Variants in MARS1 observed in about 807,000 individuals in gnomAD.
MARS1 encodes methionine--tRNA ligase, cytoplasmic.
MARS1 carries 80 observed loss-of-function variants against 119.5 expected under a neutral mutation model. The observed-to-expected ratio is 0.67, with a 90% CI of 0.56 to 0.81. MARS1 has a LOEUF of 0.81. Among genes scored for constraint, MARS1 ranks in the 30% least tolerant of loss-of-function variants. The pLI, the probability that MARS1 is intolerant of heterozygous loss-of-function variation, is 0.00. For missense variants in MARS1, 945 were observed against 1,116.5 expected, an observed-to-expected ratio of 0.85 and a Z score of 2.19; for synonymous variants, 418 against 433.4, an observed-to-expected ratio of 0.96 and a Z score of 0.44.
At chr12:57,500,207 C>A (rs1876854103) in intron 9 of MARS1, 114 bp from the exon 10 acceptor site, 3 of 819,976 alleles carry the variant, frequency 3.7e-6, no homozygotes, top group African/African-American at 1.7e-5. Flanking sequence ...CCTTGAGGAG[C>A]CTTCTGCCTG....
chr12:57,504,695 ATTTTTTT>A (rs34351056), intron 11 of MARS1, among the ~76,000 whole-genome samples: 14 of 83,600 alleles, frequency 1.7e-4, no homozygotes, highest in African/African-American at 5.2e-4. Context: ...TGCCTGACTG[ATTTTTTT>A]TTTTTTTTTT....
chr12:57,489,200 T>C, intron 2 of MARS1, 67 bp from the exon 3 acceptor site: 1 of 1,599,786 alleles, frequency 6.3e-7, no homozygotes, highest in Non-Finnish European at 8.6e-7. Flanking sequence ...ATTGTTTCCC[T>C]GTGTGATGAG....
chr12:57,507,102 C>G (rs545505795), intron 11 of MARS1, among the ~76,000 whole-genome samples: 2 of 151,436 alleles, frequency 1.3e-5, no homozygotes, highest in African/African-American at 4.8e-5. Flanking sequence ...GCACATCTTG[C>G]ACCGCCCTTA....
At chr12:57,489,378 C>T (rs1412902142) in intron 3 of MARS1, 33 bp downstream of exon 3, 1 of 1,613,978 alleles carries the variant, frequency 6.2e-7, no homozygotes, top group Non-Finnish European at 8.5e-7. Flanking sequence ...GTCAGGCAGG[C>T]CCTTGTTCTG....
In MARS1 at chr12:57,489,219, T is replaced by G. The variant is rs370571451; in HGVS notation, c.201-48T>G. The G allele has an allele frequency of 6.9e-6, 11 of 1,605,670 alleles. No individual in the cohort carries two copies. The African/African-American group carries it at 1.3e-4, about 20-fold the overall frequency. On this transcript the variant is annotated intron_variant, in intron 2 of 20. Coordinates refer to ENST00000262027, the MANE Select transcript of MARS1 (RefSeq NM_004990.4). ...TTTCCCTGTGTGATGAGAAATGGGC[T>G]AAATGGGCCCCTCTAAGTCCATCAT...
intron 7 of MARS1, among the ~76,000 whole-genome samples, chr12:57,492,225 G>A (rs559487874): frequency 4.7e-5 from 7 of 149,268 alleles, no homozygotes; most frequent in Non-Finnish European, 1.0e-4. Flanking sequence ...GTTGCAGTGC[G>A]CCAAGATCAT....
chr12:57,494,713 A>G (rs1876497782), intron 7 of MARS1, among the ~76,000 whole-genome samples: 1 of 151,554 alleles, frequency 6.6e-6, no homozygotes, highest in African/African-American at 2.4e-5. Context: ...ATGACTCTTA[A>G]CGAGCATGCT....
rs1193799033 is a variant in MARS1 at position 57,511,824 on chromosome 12, C to T, written c.1495C>T (p.Leu499Phe). Residue 499 changes from leucine to phenylalanine, a missense_variant, in exon 12 of 21, where the codon CTC (leucine) becomes TTC (phenylalanine). Transcript: ENST00000262027. ...CAAGCCACGCTGCATAACCCGAGAC[C>T]TCAAATGGGGAACCCCTGTACCCTT... ...GLKPRCITRD[L>F]KWGTPVPLEG... 1.2e-6 allele frequency: 2 copies of T among 1,614,166 alleles called. No individual in the cohort carries two copies. Among genetic ancestry groups the T allele is most frequent in the Non-Finnish European group, 1.7e-6 (2 of 1,180,016 alleles).
intron 11 of MARS1, among the ~76,000 whole-genome samples, chr12:57,507,462 C>T (rs1396942374): frequency 2.9e-5 from 2 of 68,940 alleles, no homozygotes; most frequent in Non-Finnish European, 3.4e-5. Context: ...CCGGACGGGG[C>T]GGCTGGCCGG....
Position 57,511,770 on chromosome 12 carries a change from A to G in MARS1, c.1441A>G (p.Ile481Val), listed in dbSNP as rs1428763649. Residue 481 changes from isoleucine to valine, a missense_variant, in exon 12 of 21, where the codon ATC becomes GTC. By Grantham distance (29) the Ile-to-Val change is conservative (BLOSUM62 3). Coordinates refer to ENST00000262027, the MANE Select transcript of MARS1 (RefSeq NM_004990.4). ...GSDWTPNAQF[I>V]TRSWLRDGLK... ...TGACTGGACACCCAATGCCCAGTTTATCACCCGTTCTTGGCTTCGGGATGG... is the reference window on the plus strand; with the variant it reads ...TGACTGGACACCCAATGCCCAGTTTGTCACCCGTTCTTGGCTTCGGGATGG... The G allele has an allele frequency of 1.2e-6, 2 of 1,614,200 alleles. No homozygotes were observed. The highest frequency in any genetic ancestry group is 1.1e-5 in the South Asian group (1 of 91,076).
chr12:57,508,675 G>GGGGAGA (rs1212037091), intron 11 of MARS1, among the ~76,000 whole-genome samples: 121 of 56,108 alleles, frequency 2.2e-3, no homozygotes, highest in African/African-American at 4.4e-3. Flanking sequence ...GGGAGACCGT[G>GGGGAGA]GGGAGAGGTA....
rs773690189 is a variant in MARS1 at position 57,504,300 on chromosome 12, G to A, written c.1368+1G>A. 6.2e-7 allele frequency: 1 copy of A among 1,613,966 alleles called. No homozygotes were observed. Among genetic ancestry groups the A allele is most frequent in the South Asian group, 1.1e-5 (1 of 91,086 alleles). ...GCACCTGTTTCTGGACCTGCCTAAG[G>A]TAAGTGAGCTTTTCTCTCAACCTAG... is the stretch of plus-strand genomic sequence containing the variant. On this transcript the variant is annotated splice_donor_variant, in intron 11 of 20. Coordinates refer to ENST00000262027, the MANE Select transcript of MARS1 (RefSeq NM_004990.4). LOFTEE classifies it high-confidence loss of function.
At chr12:57,514,449 C>G (rs1055067126) in intron 15 of MARS1, among the ~76,000 whole-genome samples, 17 of 152,210 alleles carry the variant, frequency 1.1e-4, no homozygotes, top group African/African-American at 3.6e-4. Flanking sequence ...GCGTGAGCCA[C>G]TGCGCCCGGC....
intron 9 of MARS1, among the ~76,000 whole-genome samples, chr12:57,498,921 T>G (rs1876776277): frequency 6.6e-6 from 1 of 152,154 alleles, no homozygotes; most frequent in Non-Finnish European, 1.5e-5. Flanking sequence ...CTAAGACACT[T>G]CTTCCCACTC....
intron 7 of MARS1, among the ~76,000 whole-genome samples, chr12:57,496,186 T>G (rs1210985719): frequency 6.7e-6 from 1 of 149,508 alleles, no homozygotes; most frequent in Non-Finnish European, 1.5e-5. Context: ...TCTTTTTTTT[T>G]TTTTTGAAAC....
At chr12:57,498,387 G>C (rs1028230790) in intron 8 of MARS1, 33 bp from the exon 9 acceptor site, 28 of 1,608,312 alleles carry the variant, frequency 1.7e-5, no homozygotes, top group Non-Finnish European at 2.3e-5. Context: ...CGCTGAAGCG[G>C]GGCCCCCTAG....
rs1877839347 is a variant in MARS1, at chr12:57,516,471, G to C, written c.2593G>C (p.Asp865His). 6.2e-7 allele frequency: 1 copy of C among 1,613,744 alleles called. No individual in the cohort carries two copies. The highest frequency in any genetic ancestry group is 8.5e-7 in the Non-Finnish European group (1 of 1,179,920). ...CCGAGAACTGAAAGCACAAAAGGCA[G>C]ACAAGAACGAGGTTGCTGCGGAGGT... Reference protein sequence around the residue: ...IVRELKAQKADKNEVAAEVAK... With the variant: ...IVRELKAQKAHKNEVAAEVAK... Residue 865 changes from aspartate (D) to histidine (H), a missense_variant, in exon 21 of 21, where the codon GAC becomes CAC. By Grantham distance (81) the Asp-to-His change is moderately conservative. Transcript: ENST00000262027.
At chr12:57,513,910 A>G (rs1877643699) in intron 15 of MARS1, among the ~76,000 whole-genome samples, 1 of 151,334 alleles carries the variant, frequency 6.6e-6, no homozygotes, top group Non-Finnish European at 1.5e-5. Context: ...TAAAAATACA[A>G]AAAGTAGCCG....
chr12:57,488,726 T>C (rs1875670155), intron 1 of MARS1: 3 of 1,399,492 alleles, frequency 2.1e-6, no homozygotes, highest in Non-Finnish European at 3.0e-6. Context: ...TATGAAGATA[T>C]CCCAGTTACT....
Sources: gnomAD v4.1 joint callset for allele counts (sites outside exome capture counted in the v4.1 genomes callset) on GRCh38, gnomAD v4.1.1 for gene constraint, MANE v1.5 for transcripts, NCBI Gene and HGNC (gene_info 2026-07-23, HGNC 2026-07-21) for gene names.